DACH1: variants seen among roughly 807,000 people sequenced by gnomAD.
The protein encoded by DACH1 is dachshund homolog 1.
Under a neutral mutation model 54.2 loss-of-function variants are expected in DACH1, and 12 were observed. The ratio of observed to expected loss-of-function variants is 0.22; its 90% confidence interval spans 0.14 to 0.36. The LOEUF is 0.36. DACH1 is among the 10% of genes least tolerant of loss of function. The pLI is 1.00. For synonymous variants in DACH1, 386 were observed against 366.2 expected (o/e 1.05, Z -0.62); for missense variants, 805 against 929.8 (o/e 0.87, Z 1.75).
At chr13:71,529,183 G>GTTTTTTTTTTGTTTGTTTTTTTTTT (rs1299574030) in intron 6 of DACH1, among the ~76,000 whole-genome samples, 1 of 80,980 alleles carries the variant, frequency 1.2e-5, no homozygotes, top group Admixed American at 1.5e-4. Context: ...TGTGATTTGG[G>GTTTTTTTTTTGTTTGTTTTTTTTTT]TTTTTTTTTT....
intron 3 of DACH1, among the ~76,000 whole-genome samples, chr13:71,622,309 C>T (rs1876305531): frequency 6.6e-6 from 1 of 151,866 alleles, no homozygotes. Flanking sequence ...ACATTCAAAA[C>T]AATATTGGAC....
chr13:71,445,277 A>G, intron 10 of DACH1, among the ~76,000 whole-genome samples: 1 of 152,338 alleles, frequency 6.6e-6, no homozygotes, highest in Non-Finnish European at 1.5e-5. Flanking sequence ...TAAATATTTT[A>G]AATAAAACTC....
At chr13:71,475,005 G>A (rs1566281078) in intron 10 of DACH1, 136 bp downstream of exon 10, 5 of 697,998 alleles carry the variant, frequency 7.2e-6, no homozygotes, top group Non-Finnish European at 1.2e-5. Context: ...ATATAAACAA[G>A]CAAGATGAAC....
At position 71,756,925 on chromosome 13, in the gene DACH1, A is replaced by T. The variant is rs79104076; in HGVS notation, c.849-75015T>A. On this transcript the variant is annotated intron_variant, in intron 1 of 10. Transcript: ENST00000613252. ...TGTTGTTCACTTGTGAGAATGACATAGTGAATGTAAAGGATCAGGAGAAAC... is the reference window on the plus strand; with the variant it reads ...TGTTGTTCACTTGTGAGAATGACATTGTGAATGTAAAGGATCAGGAGAAAC... Among the ~76,000 whole-genome samples, 881 of 152,308 alleles carry T rather than the reference A, an allele frequency of 5.8e-3. 8 individuals are homozygous for T. Among genetic ancestry groups the T allele is most frequent in the African/African-American group, 0.02 (836 of 41,572 alleles).
intron 1 of DACH1, among the ~76,000 whole-genome samples, chr13:71,729,739 A>G (rs1883650295): frequency 6.6e-6 from 1 of 152,138 alleles, no homozygotes; most frequent in Non-Finnish European, 1.5e-5. Context: ...CAGTCTCTCC[A>G]GAGGAAGAAT....
chr13:71,719,794 G>T (rs1472403037), intron 1 of DACH1, among the ~76,000 whole-genome samples: 2 of 152,052 alleles, frequency 1.3e-5, no homozygotes, highest in African/African-American at 4.8e-5. Flanking sequence ...GAGCACAGGA[G>T]GTTGAGGCTG....
chr13:71,655,376 T>G (rs1266315617), intron 2 of DACH1, among the ~76,000 whole-genome samples: 1 of 151,802 alleles, frequency 6.6e-6, no homozygotes, highest in Non-Finnish European at 1.5e-5. Context: ...TTTTTAATTT[T>G]TTTTTTTTTT....
chr13:71,692,951 C>T (rs1439227021), intron 1 of DACH1, among the ~76,000 whole-genome samples: 1 of 152,076 alleles, frequency 6.6e-6, no homozygotes, highest in Admixed American at 6.5e-5. Flanking sequence ...ATCCATCTCC[C>T]CTTCAATACT....
chr13:71,740,556 T>C (rs144578095), intron 1 of DACH1, among the ~76,000 whole-genome samples: 3 of 152,264 alleles, frequency 2.0e-5, no homozygotes, highest in African/African-American at 4.8e-5. Flanking sequence ...TTTCAAGTGA[T>C]TGTGCTTCAA....
intron 10 of DACH1, among the ~76,000 whole-genome samples, chr13:71,453,478 G>T (rs7337920): frequency 0.92 from 140,177 of 152,116 alleles, 65,585 homozygotes; most frequent in Non-Finnish European, 1. Context: ...AAATTGAGAT[G>T]TCAGAATAAA....
At chr13:71,707,753 A>C (rs1177328374) in intron 1 of DACH1, among the ~76,000 whole-genome samples, 1 of 152,200 alleles carries the variant, frequency 6.6e-6, no homozygotes, top group African/African-American at 2.4e-5. Flanking sequence ...GTGTAAACGT[A>C]AAGTTGGAGA....
intron 1 of DACH1, among the ~76,000 whole-genome samples, chr13:71,845,437 CA>C (rs1377497578): frequency 6.6e-6 from 1 of 151,976 alleles, no homozygotes; most frequent in Non-Finnish European, 1.5e-5. Context: ...CTAAAGACAT[CA>C]AAAAATGGCA....
chr13:71,640,631 A>G (rs1344732146), intron 2 of DACH1, among the ~76,000 whole-genome samples: 1 of 152,074 alleles, frequency 6.6e-6, no homozygotes, highest in Non-Finnish European at 1.5e-5. Flanking sequence ...GGCATTAGAT[A>G]TCTTCATGTT....
intron 1 of DACH1, among the ~76,000 whole-genome samples, chr13:71,707,637 A>T (rs1882514228): frequency 6.6e-6 from 1 of 152,230 alleles, no homozygotes; most frequent in African/African-American, 2.4e-5. Context: ...AAATTAAGAG[A>T]GGATAATTTG....
chr13:71,666,661 T>C (rs1469536629), intron 2 of DACH1, among the ~76,000 whole-genome samples: 2 of 152,160 alleles, frequency 1.3e-5, no homozygotes, highest in African/African-American at 2.4e-5. Flanking sequence ...CTAGTTGATA[T>C]GACATTTTAG....
At chr13:71,848,551 T>A (rs1308778350) in intron 1 of DACH1, among the ~76,000 whole-genome samples, 1 of 152,088 alleles carries the variant, frequency 6.6e-6, no homozygotes, top group Admixed American at 6.5e-5. Flanking sequence ...TTTTTCAGTT[T>A]TTTTTTTTGG....
chr13:71,791,110 C>A (rs1224972580), intron 1 of DACH1, among the ~76,000 whole-genome samples: 1 of 152,118 alleles, frequency 6.6e-6, no homozygotes, highest in African/African-American at 2.4e-5. Context: ...TATTAATGTA[C>A]AATGGGCCAA....
At chr13:71,565,933 T>A (rs1452270427) in intron 4 of DACH1, among the ~76,000 whole-genome samples, 1 of 152,148 alleles carries the variant, frequency 6.6e-6, no homozygotes, top group African/African-American at 2.4e-5. Flanking sequence ...AAATCTTGAC[T>A]CAGGAATTAT....
chr13:71,662,101 C>T (rs138201507), intron 2 of DACH1, among the ~76,000 whole-genome samples: 51 of 151,950 alleles, frequency 3.4e-4, no homozygotes, highest in Non-Finnish European at 5.0e-4. Flanking sequence ...CTGTTGATAT[C>T]GTCTAAGCAA....
Sources: gnomAD v4.1 joint callset for allele counts (sites outside exome capture counted in the v4.1 genomes callset) on GRCh38, gnomAD v4.1.1 for gene constraint, MANE v1.5 for transcripts, NCBI Gene and HGNC (gene_info 2026-07-23, HGNC 2026-07-21) for gene names.